Variants in AKT3 observed in about 807,000 individuals in gnomAD.
AKT3 encodes the protein AKT serine/threonine kinase 3.
Under a neutral mutation model 65.3 loss-of-function variants are expected in AKT3, and 15 were observed. That is an observed-to-expected ratio of 0.23 (90% confidence interval 0.15 to 0.35). The LOEUF (loss-of-function observed/expected upper bound fraction) is 0.35, where lower values mean the gene tolerates loss of function less well. AKT3 is among the 10% of genes least tolerant of loss of function. The probability of loss-of-function intolerance (pLI) is 1.00; values close to 1 mark genes in which losing one functional copy is unlikely to be tolerated. For synonymous variants in AKT3, 206 were observed against 183.8 expected, an observed-to-expected ratio of 1.12 and a Z score of -0.98; for missense variants, 243 against 576.5, an observed-to-expected ratio of 0.42 and a Z score of 5.92.
chr1:243,676,342 G>C (rs1009261365), intron 3 of AKT3, among the ~76,000 whole-genome samples: 1 of 152,168 alleles, frequency 6.6e-6, no homozygotes, highest in African/African-American at 2.4e-5. Context: ...TGTAATTGGA[G>C]TCAAGTAAGT....
chr1:243,699,023 G>A (rs1021656878), intron 2 of AKT3, among the ~76,000 whole-genome samples: 1 of 152,044 alleles, frequency 6.6e-6, no homozygotes, highest in African/African-American at 2.4e-5. Flanking sequence ...TAGCTCAGAA[G>A]TTGAGGCAGT....
intron 3 of AKT3, among the ~76,000 whole-genome samples, chr1:243,685,249 T>C (rs1558717910): frequency 1.3e-5 from 2 of 152,192 alleles, no homozygotes; most frequent in Non-Finnish European, 1.5e-5. Flanking sequence ...CTGAATATTA[T>C]TGCCTAGGTT....
intron 2 of AKT3, among the ~76,000 whole-genome samples, chr1:243,823,531 A>T (rs563306100): frequency 4.6e-5 from 7 of 152,352 alleles, no homozygotes; most frequent in African/African-American, 1.7e-4. Context: ...CCATCATCTC[A>T]GCCCAAAAGC....
At chr1:243,547,390 T>C (rs964905448) in intron 11 of AKT3, among the ~76,000 whole-genome samples, 4 of 152,216 alleles carry the variant, frequency 2.6e-5, no homozygotes, top group Non-Finnish European at 5.9e-5. Flanking sequence ...ATGACTATAA[T>C]ATACAACCAG....
intron 2 of AKT3, among the ~76,000 whole-genome samples, chr1:243,786,746 G>A (rs375156123): frequency 2.0e-5 from 3 of 152,258 alleles, no homozygotes; most frequent in South Asian, 4.1e-4. Flanking sequence ...AGAAATGCTG[G>A]AGGGTGATGG....
rs67561828 is a variant in AKT3 at position 243,625,124 on chromosome 1, G to GTT, written c.562-9965_562-9964dup. ...TGGTCTTATTGCCACTGCAGTTTGTGTTTTTTTTTTTTTTTTTTTTTTTTT... is the reference window on the plus strand; with the variant it reads ...TGGTCTTATTGCCACTGCAGTTTGTGTTTTTTTTTTTTTTTTTTTTTTTTTTT... On this transcript the variant is annotated intron_variant, in intron 6 of 13. Coordinates refer to ENST00000673466, the MANE Select transcript of AKT3 (RefSeq NM_005465.7). The GTT allele has an allele frequency of 8.7e-3, 657 of 75,296 alleles. 14 individuals carry two copies. The highest frequency in any genetic ancestry group is 0.028 in the African/African-American group (483 of 17,188). The allele number at this position is 75,296 out of a possible 1,614,324, so 4.7% of individuals were successfully genotyped here. A position where few individuals can be genotyped will look rare whatever the true frequency, so the allele number is the denominator to read the frequency against.
rs1346011000 is a variant in AKT3 at position 243,850,140 on chromosome 1, G to T, written c.-213C>A. 1 of 164,390 alleles carries T rather than the reference G, an allele frequency of 6.1e-6. No homozygotes were observed. Among genetic ancestry groups the T allele is most frequent in the Middle Eastern group, 3.2e-3 (1 of 314 alleles). 10.2% of individuals were successfully genotyped at this position (164,390 alleles called of 1,614,324 possible). ...GGGGGAGGAGAGGGGGCGACTCGGG[G>T]GTCCCCCCTCCCTCCTCCTCCCCTC... On this transcript the variant is annotated 5_prime_UTR_variant, in exon 1 of 14. Transcript: ENST00000673466.
chr1:243,833,383 G>A (rs1447797605), intron 2 of AKT3, among the ~76,000 whole-genome samples: 1 of 152,100 alleles, frequency 6.6e-6, no homozygotes, highest in Non-Finnish European at 1.5e-5. Flanking sequence ...AGGTGAGGGG[G>A]AAGAAGGCAC....
At chr1:243,712,558 T>G (rs986779080) in intron 2 of AKT3, among the ~76,000 whole-genome samples, 1 of 152,110 alleles carries the variant, frequency 6.6e-6, no homozygotes, top group Non-Finnish European at 1.5e-5. Context: ...TATTTTTTTT[T>G]GAAATGTTAA....
intron 4 of AKT3, among the ~76,000 whole-genome samples, chr1:243,658,761 C>T (rs1010685996): frequency 2.0e-4 from 30 of 151,602 alleles, no homozygotes; most frequent in African/African-American, 7.3e-4. Flanking sequence ...AATGTATTGG[C>T]CGGCAGTGTG....
At chr1:243,804,992 C>T (rs186327671) in intron 2 of AKT3, among the ~76,000 whole-genome samples, 25 of 152,198 alleles carry the variant, frequency 1.6e-4, no homozygotes, top group Admixed American at 1.5e-3. Context: ...GTAGAACATA[C>T]CACAACTTTA....
chr1:243,680,927 T>C (rs1683864868), intron 3 of AKT3, among the ~76,000 whole-genome samples: 1 of 152,126 alleles, frequency 6.6e-6, no homozygotes, highest in Non-Finnish European at 1.5e-5. Context: ...TGATCCATGA[T>C]ACAGACAGAC....
At chr1:243,683,902 A>C (rs1039069026) in intron 3 of AKT3, among the ~76,000 whole-genome samples, 3 of 152,172 alleles carry the variant, frequency 2.0e-5, no homozygotes, top group Admixed American at 6.6e-5. Context: ...CAGTCAGAAA[A>C]ATACTGAAGG....
intron 2 of AKT3, among the ~76,000 whole-genome samples, chr1:243,719,936 G>A (rs1054826819): frequency 6.6e-6 from 1 of 152,180 alleles, no homozygotes; most frequent in Non-Finnish European, 1.5e-5. Context: ...CTGCTACACT[G>A]AACATCTCTT....
rs145685744 is a variant in AKT3, at chr1:243,731,438, A to T, written c.47-35722T>A. On this transcript the variant is annotated intron_variant, in intron 2 of 13. Coordinates refer to ENST00000673466, the MANE Select transcript of AKT3 (RefSeq NM_005465.7). ...TGAGTCACTCTTACTGGATGGTCTC[A>T]GTACAGCAACAGTAACTAGGATAAG... Among the ~76,000 whole-genome samples, 39 of 152,360 alleles carry T rather than the reference A, an allele frequency of 2.6e-4. No individual in the cohort carries two copies. In the East Asian group the frequency reaches 7.5e-3, roughly 29 times the overall value.
chr1:243,533,640 G>A (rs548930699), intron 12 of AKT3, among the ~76,000 whole-genome samples: 2 of 152,242 alleles, frequency 1.3e-5, no homozygotes, highest in East Asian at 3.9e-4. Flanking sequence ...ACCAGAGAAG[G>A]CAGAATAAAA....
At chr1:243,803,770 A>C (rs543898779) in intron 2 of AKT3, among the ~76,000 whole-genome samples, 18 of 152,172 alleles carry the variant, frequency 1.2e-4, no homozygotes, top group Non-Finnish European at 2.6e-4. Context: ...GACCTCCTTC[A>C]AGAAATGAGC....
chr1:243,837,873 G>A lies in AKT3; in HGVS notation c.46+5252C>T, dbSNP rs552027547. 2.0e-5 allele frequency among the ~76,000 whole-genome samples: 3 copies of A among 152,286 alleles called. No homozygotes were observed. The East Asian group carries it at 5.8e-4, about 29-fold the overall frequency. On this transcript the variant is annotated intron_variant, in intron 2 of 13. Coordinates refer to ENST00000673466, the MANE Select transcript of AKT3 (RefSeq NM_005465.7). ...ACCACTTTTATTCAACAATGTACTGGAGGTCCTATCCAGTGAAATATGATC... is the reference window on the plus strand; with the variant it reads ...ACCACTTTTATTCAACAATGTACTGAAGGTCCTATCCAGTGAAATATGATC...
intron 2 of AKT3, among the ~76,000 whole-genome samples, chr1:243,830,969 G>A (rs1306662125): frequency 6.6e-6 from 1 of 152,060 alleles, no homozygotes; most frequent in African/African-American, 2.4e-5. Context: ...TATACAACAT[G>A]GTTCTAGAAT....
Sources: gnomAD v4.1 joint callset for allele counts (sites outside exome capture counted in the v4.1 genomes callset) on GRCh38, gnomAD v4.1.1 for gene constraint, MANE v1.5 for transcripts, NCBI Gene and HGNC (gene_info 2026-07-23, HGNC 2026-07-21) for gene names.